The following MAGEB10 variants were observed in gnomAD, a reference collection of about 807,000 sequenced individuals.
MAGEB10 encodes MAGE family member B10.
For synonymous variants in MAGEB10, 99 were observed against 101.0 expected (o/e 0.98, Z 0.12); for missense variants, 190 against 261.9 (o/e 0.73, Z 1.89).
At chrX:27,820,705 G>T (rs377589209) in intron 2 of MAGEB10, among the ~76,000 whole-genome samples, 22 of 111,247 alleles carry the variant, frequency 2.0e-4, no homozygotes, top group South Asian at 7.7e-4. Flanking sequence ...GGCCATCACA[G>T]GGTGAAGTCC....
chrX:27,817,003 T>C (rs777961006), intron 1 of MAGEB10, among the ~76,000 whole-genome samples: 4 of 109,801 alleles, frequency 3.6e-5, no homozygotes, highest in Admixed American at 2.9e-4. Context: ...AACAGTAGCA[T>C]GCTTTTCCCT....
intron 1 of MAGEB10, among the ~76,000 whole-genome samples, chrX:27,809,190 C>A (rs1602859254): frequency 9.0e-6 from 1 of 111,330 alleles, no homozygotes; most frequent in East Asian, 2.9e-4. Context: ...CGGGACAGCG[C>A]AAGTTCCCGG....
At chrX:27,817,807 G>T (rs771759427) in intron 2 of MAGEB10, 105 bp downstream of exon 2, 1 of 111,805 alleles carries the variant, frequency 8.9e-6, no homozygotes, top group Admixed American at 9.6e-5. Context: ...GAGAAGAAAG[G>T]ATTTACTCAG....
chrX:27,816,875 C>A (rs1237834247), intron 1 of MAGEB10, among the ~76,000 whole-genome samples: 2 of 111,374 alleles, frequency 1.8e-5, no homozygotes, highest in East Asian at 5.6e-4. Flanking sequence ...GGACAGACTG[C>A]AAGTGCTCAT....
intron 1 of MAGEB10, among the ~76,000 whole-genome samples, chrX:27,815,823 G>A (rs1318080846): frequency 8.9e-6 from 1 of 111,918 alleles, no homozygotes; most frequent in Non-Finnish European, 1.9e-5. Context: ...GGTTGGTTCT[G>A]CTGGTTTCTT....
At chrX:27,808,809 C>T (rs755390375) in intron 1 of MAGEB10, among the ~76,000 whole-genome samples, 11 of 111,813 alleles carry the variant, frequency 9.8e-5, no homozygotes, top group African/African-American at 3.2e-4. Flanking sequence ...TCTGCCATAG[C>T]GGACCGGTCC....
rs145987689 is a variant in MAGEB10 at position 27,821,591 on chromosome X, A to G, written c.285A>G (p.Ile95Met). 1.6e-4 allele frequency: 189 copies of G among 1,208,934 alleles called. 5 individuals carry two copies. In the East Asian group the frequency reaches 5.5e-3, roughly 35 times the overall value. The change falls in exon 3 of 3, where the codon ATA becomes ATG. Residue 95 changes from isoleucine to methionine, a missense_variant. Ile to Met is a conservative substitution (Grantham distance 10). Coordinates refer to ENST00000356790, the MANE Select transcript of MAGEB10 (RefSeq NM_182506.3). The part of the protein sequence containing the change: ...GVNDQMEERP[I>M]CTQDLEATDS... ...ACGACCAAATGGAAGAAAGGCCAAT[A>G]TGCACACAAGATCTAGAAGCCACTG... is the stretch of plus-strand genomic sequence containing the variant.
At chrX:27,818,962 G>C (rs1237416270) in intron 2 of MAGEB10, among the ~76,000 whole-genome samples, 1 of 111,274 alleles carries the variant, frequency 9.0e-6, no homozygotes, top group Non-Finnish European at 1.9e-5. Context: ...TCCACAGAGG[G>C]AGGAGTCCCA....
At chrX:27,811,276 A>G (rs768303618) in intron 1 of MAGEB10, among the ~76,000 whole-genome samples, 2 of 110,502 alleles carry the variant, frequency 1.8e-5, no homozygotes, top group South Asian at 7.9e-4. Context: ...CAGGTAAGCA[A>G]AAGGAGGGCA....
rs1923911114 is a variant in MAGEB10 at position 27,822,618 on chromosome X, T to G, written c.*268T>G. 3.0e-6 allele frequency: 1 copy of G among 338,550 alleles called. No homozygotes were observed. The highest frequency in any genetic ancestry group is 5.5e-5 in the Admixed American group (1 of 18,263). 27.9% of individuals were successfully genotyped at this position (338,550 alleles called of 1,213,427 possible). A position where few individuals can be genotyped will look rare whatever the true frequency, so the allele number is the denominator to read the frequency against. On this transcript the variant is annotated 3_prime_UTR_variant, in exon 3 of 3. Transcript: ENST00000356790. The stretch of plus-strand genomic sequence containing the variant: ...TGCTTTATAAGTCTAATTGGGAAAC[T>G]CTCCATTTATTTAGTGATCGAAACA...
At position 27,821,356 on chromosome X, in the gene MAGEB10, A is replaced by G. The variant is rs747972192; in HGVS notation, c.50A>G (p.Gln17Arg). ...SKLRAREKRR[Q>R]ARGGLEDLID... is the part of the protein sequence containing the mutation. Reference sequence around the variant, plus strand: ...CTCCGTGCCAGGGAAAAACGCCGTCAGGCCCGAGGAGGGCTGGAAGATTTG... The same window carrying G: ...CTCCGTGCCAGGGAAAAACGCCGTCGGGCCCGAGGAGGGCTGGAAGATTTG... Residue 17 changes from glutamine (Q) to arginine (R), a missense_variant, in exon 3 of 3, where the codon CAG (glutamine) becomes CGG (arginine). Gln to Arg is a conservative substitution (Grantham distance 43, BLOSUM62 1). Coordinates refer to ENST00000356790, the MANE Select transcript of MAGEB10 (RefSeq NM_182506.3). 1.7e-6 allele frequency: 2 copies of G among 1,211,613 alleles called. No individual in the cohort carries two copies.
rs73538232 is a variant in MAGEB10, at chrX:27,821,425, C to T, written c.119C>T (p.Pro40Leu). Reference sequence around the variant, plus strand: ...TTAGAAGAGGAGGAAGAATCTCCCCCCTCTGCCTCTGCTTGTTTGAAGGAT... The same window carrying T: ...TTAGAAGAGGAGGAAGAATCTCCCCTCTCTGCCTCTGCTTGTTTGAAGGAT... ...DILEEEEESP[P>L]SASACLKDVF... Residue 40 changes from proline (P) to leucine (L), a missense_variant, in exon 3 of 3, where the codon CCC (proline) becomes CTC (leucine). Pro to Leu is a moderately conservative substitution (Grantham distance 98). Coordinates refer to ENST00000356790, the MANE Select transcript of MAGEB10 (RefSeq NM_182506.3). The T allele has an allele frequency of 5.8e-6, 7 of 1,209,170 alleles. No homozygotes were observed. The highest frequency in any genetic ancestry group is 3.5e-5 in the South Asian group (2 of 56,770).
rs931975948 is a variant in MAGEB10, at chrX:27,822,470, A to G, written c.*120A>G. 2.9e-6 allele frequency: 2 copies of G among 684,603 alleles called. No homozygotes were observed. Among genetic ancestry groups the G allele is most frequent in the Admixed American group, 4.2e-5 (1 of 23,678 alleles). The allele number at this position is 684,603 out of a possible 1,213,427, so 56.4% of individuals were successfully genotyped here. ...TATGTTTGTGTTAATGTTCTATGTGATGGCTTGGAATTTTTGAAGATGTTG... is the reference window on the plus strand; with the variant it reads ...TATGTTTGTGTTAATGTTCTATGTGGTGGCTTGGAATTTTTGAAGATGTTG... On this transcript the variant is annotated 3_prime_UTR_variant, in exon 3 of 3. Coordinates refer to ENST00000356790, the MANE Select transcript of MAGEB10 (RefSeq NM_182506.3).
chrX:27,813,488 C>T (rs1380652826), intron 1 of MAGEB10, among the ~76,000 whole-genome samples: 1 of 111,789 alleles, frequency 8.9e-6, no homozygotes, highest in African/African-American at 3.3e-5. Flanking sequence ...GGAGGGAAGG[C>T]GCCATGCTGG....
intron 1 of MAGEB10, among the ~76,000 whole-genome samples, chrX:27,815,941 C>A (rs1451487875): frequency 9.0e-6 from 1 of 111,116 alleles, no homozygotes; most frequent in Non-Finnish European, 1.9e-5. Flanking sequence ...ATATGAGGAA[C>A]CCAGTTCTTT....
At chrX:27,815,290 A>T (rs1268372001) in intron 1 of MAGEB10, among the ~76,000 whole-genome samples, 1 of 112,173 alleles carries the variant, frequency 8.9e-6, no homozygotes, top group Non-Finnish European at 1.9e-5. Context: ...CTCCCTGCAG[A>T]TGTCCTCTGT....
At chrX:27,808,451 C>T (rs1276888309) in intron 1 of MAGEB10, among the ~76,000 whole-genome samples, 1 of 112,051 alleles carries the variant, frequency 8.9e-6, no homozygotes, top group Non-Finnish European at 1.9e-5. Context: ...ATGTCACACA[C>T]ACTTCCGCTT....
At chrX:27,808,390 C>A (rs769990935) in intron 1 of MAGEB10, among the ~76,000 whole-genome samples, 1 of 112,448 alleles carries the variant, frequency 8.9e-6, no homozygotes, top group Non-Finnish European at 1.9e-5. Context: ...CAGAAAGTCA[C>A]GCCACACCGC....
intron 1 of MAGEB10, among the ~76,000 whole-genome samples, chrX:27,815,749 C>A (rs1270648536): frequency 8.9e-6 from 1 of 111,858 alleles, no homozygotes; most frequent in Non-Finnish European, 1.9e-5. Flanking sequence ...ATAACAAATG[C>A]CATACAGTAA....
Sources: allele counts gnomAD v4.1 joint callset (sites outside exome capture counted in the v4.1 genomes callset), GRCh38; gene constraint gnomAD v4.1.1; transcripts MANE v1.5; gene names NCBI Gene and HGNC (gene_info 2026-07-23, HGNC 2026-07-21).